Variants in NYAP2 observed in about 807,000 individuals in gnomAD.
NYAP2 encodes the protein neuronal tyrosine-phosphorylated phosphoinositide-3-kinase adapter 2.
In NYAP2, 23 loss-of-function variants were observed where a neutral mutation model predicts 50.4. The observed-to-expected ratio is 0.46, with a 90% CI of 0.33 to 0.65. NYAP2 has a LOEUF of 0.65. NYAP2 is among the 30% of genes least tolerant of loss of function. NYAP2 has a pLI of 0.02. For synonymous variants in NYAP2, 394 were observed against 365.2 expected, an observed-to-expected ratio of 1.08 and a Z score of -0.90; for missense variants, 885 against 861.0, an observed-to-expected ratio of 1.03 and a Z score of -0.35.
At chr2:225,496,388 C>A (rs1690506210) in intron 3 of NYAP2, among the ~76,000 whole-genome samples, 1 of 152,156 alleles carries the variant, frequency 6.6e-6, no homozygotes, top group Non-Finnish European at 1.5e-5. Context: ...CACTGTGTCT[C>A]ATGCATTCCC....
At chr2:225,410,550 G>A (rs77116114) in intron 3 of NYAP2, among the ~76,000 whole-genome samples, 2,323 of 152,054 alleles carry the variant, frequency 0.015, 56 homozygotes, top group African/African-American at 0.051. Context: ...GTTTTTGAAA[G>A]TAACTTCAAA....
At chr2:225,459,927 C>T (rs1473738812) in intron 3 of NYAP2, among the ~76,000 whole-genome samples, 1 of 152,174 alleles carries the variant, frequency 6.6e-6, no homozygotes, top group Non-Finnish European at 1.5e-5. Flanking sequence ...CCACCTCGGC[C>T]TCCCAAAGTT....
At chr2:225,555,468 G>A (rs75551842) in intron 4 of NYAP2, among the ~76,000 whole-genome samples, 3,506 of 152,158 alleles carry the variant, frequency 0.023, 138 homozygotes, top group African/African-American at 0.08. Context: ...ATAGTCTCAG[G>A]TTAATACATT....
the NYAP2 span, among the ~76,000 whole-genome samples, chr2:225,686,527 T>C: frequency 6.6e-6 from 1 of 152,158 alleles, no homozygotes; most frequent in Non-Finnish European, 1.5e-5. Context: ...TAAATATGTA[T>C]GTAAGGATTA....
intron 5 of NYAP2, among the ~76,000 whole-genome samples, chr2:225,604,114 A>G (rs1433458965): frequency 7.2e-4 from 109 of 152,340 alleles, no homozygotes; most frequent in Non-Finnish European, 1.5e-4. Context: ...TTGTGAGTAA[A>G]CAGTTCATAC....
At chr2:225,419,466 A>T (rs1695181667) in intron 3 of NYAP2, among the ~76,000 whole-genome samples, 1 of 152,228 alleles carries the variant, frequency 6.6e-6, no homozygotes, top group Non-Finnish European at 1.5e-5. Flanking sequence ...GAAACGGAAC[A>T]TAGTAGTGGG....
the NYAP2 span, among the ~76,000 whole-genome samples, chr2:225,693,419 A>G: frequency 2.6e-5 from 4 of 152,182 alleles, no homozygotes; most frequent in African/African-American, 9.6e-5. Flanking sequence ...TACCAAGGAT[A>G]CATACTGCCA....
chr2:225,569,170 A>G (rs1394390029), intron 4 of NYAP2, among the ~76,000 whole-genome samples: 3 of 152,224 alleles, frequency 2.0e-5, no homozygotes, highest in Non-Finnish European at 4.4e-5. Flanking sequence ...CACAGAGCAG[A>G]CAATGGCTGG....
At chr2:225,533,192 A>T (rs1185981050) in intron 4 of NYAP2, among the ~76,000 whole-genome samples, 3 of 152,262 alleles carry the variant, frequency 2.0e-5, no homozygotes, top group African/African-American at 7.2e-5. Context: ...AAAAATGCTT[A>T]AAATGAAAAA....
chr2:225,410,087 A>C (rs370270081), intron 3 of NYAP2, among the ~76,000 whole-genome samples: 1 of 152,224 alleles, frequency 6.6e-6, no homozygotes, highest in East Asian at 1.9e-4. Flanking sequence ...TGAATTATTC[A>C]TGCTTATAAA....
chr2:225,453,696 G>GT (rs1689688815), intron 3 of NYAP2, among the ~76,000 whole-genome samples: 1 of 151,960 alleles, frequency 6.6e-6, no homozygotes, highest in Non-Finnish European at 1.5e-5. Flanking sequence ...GTCTTACTCT[G>GT]TCACCCAGGC....
chr2:225,597,534 TCACA>T (rs1553554347), intron 5 of NYAP2, among the ~76,000 whole-genome samples: 22 of 123,254 alleles, frequency 1.8e-4, no homozygotes, highest in South Asian at 5.5e-4. Flanking sequence ...TATATATGTA[TCACA>T]ATTTCCTTAT....
chr2:225,651,482 C>T lies in NYAP2; in HGVS notation c.1879C>T (p.Pro627Ser), dbSNP rs1216355535. The T allele has an allele frequency of 2.5e-6, 4 of 1,613,848 alleles. No individual in the cohort carries two copies. Among genetic ancestry groups the T allele is most frequent in the African/African-American group, 2.7e-5 (2 of 74,930 alleles). Reference sequence around the variant, plus strand: ...CCGGTCTGCGTCGACGTCAGGTGTGCCTCCTCCATCAGTCACTCCCCTCAG... The same window carrying T: ...CCGGTCTGCGTCGACGTCAGGTGTGTCTCCTCCATCAGTCACTCCCCTCAG... Residue 627 changes from proline (P) to serine (S), a missense_variant, in exon 7 of 7, where the codon CCT (proline) becomes TCT (serine). Coordinates refer to ENST00000636099, the Ensembl canonical transcript of NYAP2.
At chr2:225,594,956 A>G (rs1417202982) in intron 5 of NYAP2, among the ~76,000 whole-genome samples, 1 of 152,236 alleles carries the variant, frequency 6.6e-6, no homozygotes, top group Non-Finnish European at 1.5e-5. Flanking sequence ...TATTAGTTAC[A>G]TGGATTGTAA....
the NYAP2 span, among the ~76,000 whole-genome samples, chr2:225,690,495 G>A: frequency 1.3e-5 from 2 of 151,920 alleles, no homozygotes; most frequent in African/African-American, 4.8e-5. Context: ...CTAAAACTAG[G>A]GGGAAAGTTC....
chr2:225,409,235 C>T (rs1283520500), intron 3 of NYAP2, 134 bp downstream of exon 3: 5 of 628,772 alleles, frequency 8.0e-6, no homozygotes, highest in East Asian at 5.6e-5. Context: ...CATATGAAAG[C>T]GACCCCTCAA....
chr2:225,628,368 C>T (rs1476872432), intron 6 of NYAP2, among the ~76,000 whole-genome samples: 1 of 134,148 alleles, frequency 7.5e-6, no homozygotes, highest in Non-Finnish European at 1.5e-5. Flanking sequence ...GTTGCCCAGG[C>T]TGGAGTGCAA....
At chr2:225,651,556 T>C in exon 7 of NYAP2, 1 of 1,613,840 alleles carries the variant, frequency 6.2e-7, no homozygotes, top group Non-Finnish European at 8.5e-7. Context: ...CGTTAGCCAA[T>C]CGTGATTGAC....
the NYAP2 span, among the ~76,000 whole-genome samples, chr2:225,689,587 C>A: frequency 3.3e-5 from 5 of 152,190 alleles, no homozygotes; most frequent in East Asian, 9.7e-4. Context: ...ATGTCTATAT[C>A]TCAAAACTAA....
Sources: allele counts gnomAD v4.1 joint callset (sites outside exome capture counted in the v4.1 genomes callset), GRCh38; gene constraint gnomAD v4.1.1; transcripts MANE v1.5; gene names NCBI Gene and HGNC (gene_info 2026-07-23, HGNC 2026-07-21).